The following TSEN2 variants were observed in gnomAD, a reference collection of about 807,000 sequenced individuals.
The protein encoded by TSEN2 is tRNA-splicing endonuclease subunit Sen2.
A neutral mutation model predicts 59.2 loss-of-function variants in TSEN2; 54 were observed. The ratio of observed to expected loss-of-function variants is 0.91; its 90% CI spans 0.73 to 1.14. The LOEUF (loss-of-function observed/expected upper bound fraction) is 1.14. Among genes scored for constraint, TSEN2 ranks in the 50% most tolerant of loss-of-function variants. The pLI, the probability that TSEN2 is intolerant of heterozygous loss-of-function variation, is 0.00. For synonymous variants in TSEN2, 195 were observed against 198.2 expected, an observed-to-expected ratio of 0.98 and a Z score of 0.14; for missense variants, 636 against 576.2, an observed-to-expected ratio of 1.10 and a Z score of -1.06.
chr3:12,531,443 G>T, intron 10 of TSEN2, 127 bp from the exon 11 acceptor site: 3 of 667,962 alleles, frequency 4.5e-6, no homozygotes, highest in Non-Finnish European at 8.2e-6. Flanking sequence ...AAACTGATGT[G>T]CTCTGTGAGT....
chr3:12,517,091 T>C (rs552722648), intron 7 of TSEN2, among the ~76,000 whole-genome samples: 2 of 152,164 alleles, frequency 1.3e-5, no homozygotes, highest in East Asian at 3.9e-4. Context: ...CTCACGCCTG[T>C]AATCCCAGCA....
chr3:12,491,718 G>A (rs1402010649), intron 2 of TSEN2, among the ~76,000 whole-genome samples: 1 of 152,198 alleles, frequency 6.6e-6, no homozygotes, highest in Non-Finnish European at 1.5e-5. Context: ...GAAAAGTGGG[G>A]CGAACCTCTT....
In TSEN2 at chr3:12,484,570, A is replaced by C. The variant is rs1469015142; in HGVS notation, c.-328A>C. ...GCCCTTTCCGAGTTTGGTGTTTTGC[A>C]GCGAAAGGAAATCTCGCTCTTCCGA... On this transcript the variant is annotated 5_prime_UTR_variant, in exon 1 of 12. Coordinates refer to ENST00000284995, the MANE Select transcript of TSEN2 (RefSeq NM_025265.4). 2 of 152,292 alleles carry C rather than the reference A, an allele frequency of 1.3e-5. No homozygotes were observed. Among genetic ancestry groups the C allele is most frequent in the Admixed American group, 6.5e-5 (1 of 15,288 alleles). 9.4% of individuals were successfully genotyped at this position (152,292 alleles called of 1,614,324 possible).
chr3:12,522,680 T>C (rs572717497), intron 8 of TSEN2, among the ~76,000 whole-genome samples: 1 of 152,354 alleles, frequency 6.6e-6, no homozygotes, highest in South Asian at 2.1e-4. Flanking sequence ...AGAGAGCTAG[T>C]GACTCCTAAT....
chr3:12,530,389 C>T, intron 10 of TSEN2: 1 of 986,130 alleles, frequency 1.0e-6, no homozygotes, highest in South Asian at 4.7e-5. Context: ...TCACACAGCT[C>T]ATGTGCATAC....
intron 8 of TSEN2, among the ~76,000 whole-genome samples, chr3:12,520,231 C>A (rs1057082691): frequency 5.9e-5 from 9 of 152,174 alleles, no homozygotes; most frequent in African/African-American, 2.2e-4. Context: ...ATCTCCTGAG[C>A]TCGTCATCTG....
rs149063300 is a variant in TSEN2, at chr3:12,523,174, A to G, written c.1099+3977A>G. On this transcript the variant is annotated intron_variant, in intron 8 of 11. Transcript: ENST00000284995. ...CCAAGAAGCCGAAAACTAACGCAGG[A>G]TTTATATTGTCTTATGTACACAGTT... is the stretch of plus-strand genomic sequence containing the variant. Among the ~76,000 whole-genome samples, 151 of 152,200 alleles carry G rather than the reference A, an allele frequency of 9.9e-4. 1 individual carries two copies. Among genetic ancestry groups the G allele is most frequent in the African/African-American group, 3.6e-3 (149 of 41,524 alleles).
intron 8 of TSEN2, among the ~76,000 whole-genome samples, chr3:12,522,706 A>G (rs1431128169): frequency 6.6e-6 from 1 of 152,240 alleles, no homozygotes; most frequent in Non-Finnish European, 1.5e-5. Flanking sequence ...ACCATTGTGA[A>G]ATTCACACCT....
intron 3 of TSEN2, 51 bp from the exon 4 acceptor site, chr3:12,496,467 G>C (rs777841066): frequency 6.3e-7 from 1 of 1,582,394 alleles, no homozygotes; most frequent in Admixed American, 1.7e-5. Flanking sequence ...TTTAGTGTTT[G>C]TTCCCCTTAT....
At chr3:12,489,752 G>C (rs1559272774) in intron 1 of TSEN2, 32 bp from the exon 2 acceptor site, 1 of 1,585,170 alleles carries the variant, frequency 6.3e-7, no homozygotes, top group Admixed American at 1.7e-5. Context: ...TTGATTGTCT[G>C]TTTCTTTCTG....
intron 1 of TSEN2, among the ~76,000 whole-genome samples, chr3:12,488,079 T>A (rs1390956185): frequency 2.6e-5 from 4 of 152,208 alleles, no homozygotes; most frequent in African/African-American, 4.8e-5. Context: ...GCTTCTTCCT[T>A]GAGAAGTTGG....
chr3:12,492,578 T>C (rs375772519), intron 3 of TSEN2, among the ~76,000 whole-genome samples: 95 of 152,372 alleles, frequency 6.2e-4, no homozygotes, highest in African/African-American at 2.0e-3. Flanking sequence ...ATGACATGTA[T>C]GTGTGTGGTT....
chr3:12,481,789 T>G (rs1434569749), upstream of TSEN2, among the ~76,000 whole-genome samples: 3 of 152,182 alleles, frequency 2.0e-5, no homozygotes, highest in East Asian at 1.9e-4. Context: ...ACCTTGTATC[T>G]TGTATTTCTC....
At chr3:12,502,689 G>GTT (rs11426170) in intron 4 of TSEN2, among the ~76,000 whole-genome samples, 17 of 105,836 alleles carry the variant, frequency 1.6e-4, no homozygotes, top group South Asian at 3.5e-4. Context: ...TTTTTTTTTT[G>GTT]TTTTTTTTTT....
At chr3:12,528,826 G>T in intron 8 of TSEN2, 62 bp from the exon 9 acceptor site, 1 of 1,575,584 alleles carries the variant, frequency 6.3e-7, no homozygotes. Context: ...TTTTTGTTGA[G>T]TCTTACTCCT....
intron 8 of TSEN2, among the ~76,000 whole-genome samples, chr3:12,520,302 G>C (rs975515696): frequency 1.3e-5 from 2 of 152,068 alleles, no homozygotes; most frequent in African/African-American, 4.8e-5. Flanking sequence ...CGGCCGTATT[G>C]TCTTCATTTT....
chr3:12,531,307 A>G (rs764627835), intron 10 of TSEN2: 50 of 430,018 alleles, frequency 1.2e-4, no homozygotes, highest in Non-Finnish European at 1.9e-4. Context: ...GACTTACTAT[A>G]TTTAGTATTC....
intron 6 of TSEN2, among the ~76,000 whole-genome samples, chr3:12,516,311 A>G (rs1042817416): frequency 1.3e-5 from 2 of 152,154 alleles, no homozygotes; most frequent in African/African-American, 4.8e-5. Context: ...CTGTAGTCCC[A>G]GCTACTCGGG....
chr3:12,516,689 A>C, intron 7 of TSEN2, 28 bp downstream of exon 7: 1 of 1,607,850 alleles, frequency 6.2e-7, no homozygotes, highest in East Asian at 2.2e-5. Context: ...CATACAACCC[A>C]CTTAAAATTT....
Sources: allele counts gnomAD v4.1 joint callset (sites outside exome capture counted in the v4.1 genomes callset), GRCh38; gene constraint gnomAD v4.1.1; transcripts MANE v1.5; gene names NCBI Gene and HGNC (gene_info 2026-07-23, HGNC 2026-07-21).